The following RNF6 variants were observed in gnomAD, a reference collection of about 807,000 sequenced individuals.
RNF6 encodes the protein ring finger protein 6.
A neutral mutation model predicts 50.1 loss-of-function variants in RNF6; 21 were observed. The ratio of observed to expected loss-of-function variants is 0.42; its 90% CI spans 0.30 to 0.60. The LOEUF is 0.60. Among genes scored for constraint, RNF6 ranks in the 20% least tolerant of loss-of-function variants. RNF6 has a pLI of 0.20. For synonymous variants in RNF6, 255 were observed against 291.8 expected (o/e 0.87, Z 1.29); for missense variants, 698 against 838.2 (o/e 0.83, Z 2.07).
At chr13:26,211,915 T>C (rs984863716), downstream of RNF6, among the ~76,000 whole-genome samples, 20 of 152,230 alleles carry the variant, frequency 1.3e-4, no homozygotes, top group African/African-American at 4.8e-4. Context: ...CTCTCCCTCC[T>C]CCACCTAGGT....
At chr13:26,167,303 T>C (rs1872499004) in intron 5 of RNF6, among the ~76,000 whole-genome samples, 1 of 152,210 alleles carries the variant, frequency 6.6e-6, no homozygotes, top group Admixed American at 6.5e-5. Context: ...AAGCTATGCA[T>C]CTGACAAAAG....
downstream of RNF6, among the ~76,000 whole-genome samples, chr13:26,210,803 G>A (rs1280911862): frequency 1.3e-5 from 2 of 152,166 alleles, no homozygotes; most frequent in East Asian, 3.8e-4. Flanking sequence ...ATGAATTCAT[G>A]TTAAATATTG....
chr13:26,139,144 C>A (rs868515527), intron 5 of RNF6, among the ~76,000 whole-genome samples: 17 of 152,068 alleles, frequency 1.1e-4, no homozygotes, highest in African/African-American at 4.1e-4. Flanking sequence ...GGGGGCTCAC[C>A]TTTTATATGC....
intron 5 of RNF6, among the ~76,000 whole-genome samples, chr13:26,169,605 T>A (rs1221672790): frequency 6.6e-6 from 1 of 152,222 alleles, no homozygotes. Flanking sequence ...TAAGAGTCTC[T>A]TGCCGGCCTT....
rs776329862 is a variant in RNF6 at position 26,215,380 on chromosome 13, C to T, written c.502G>A (p.Asp168Asn). The T allele has an allele frequency of 3.1e-6, 5 of 1,614,052 alleles. No homozygotes were observed. The African/African-American group carries it at 6.7e-5, about 22-fold the overall frequency. The change falls in exon 5 of 5, where the codon GAT (aspartate) becomes AAT (asparagine). Residue 168 changes from aspartate (D) to asparagine (N), a missense_variant. Physicochemically the swap from Asp to Asn is conservative, Grantham distance 23. Transcript: ENST00000381588. The part of the protein sequence containing the change: ...ENRGFEIHGE[D>N]YTDIPLSDSN... ...TCTGAAAGTGGAATGTCTGTATAAT[C>T]TTCTCCATGAATTTCAAATCCTCTA...
intron 5 of RNF6, among the ~76,000 whole-genome samples, chr13:26,193,289 T>C (rs1045212158): frequency 4.6e-5 from 7 of 151,626 alleles, no homozygotes; most frequent in African/African-American, 1.7e-4. Context: ...CCTGGAAAAA[T>C]TCATCATTAA....
At chr13:26,151,763 C>A (rs753499388) in intron 5 of RNF6, among the ~76,000 whole-genome samples, 2 of 151,850 alleles carry the variant, frequency 1.3e-5, no homozygotes, top group Non-Finnish European at 2.9e-5. Flanking sequence ...GTTATTATAA[C>A]AATGTTAAAG....
chr13:26,141,077 T>G (rs759910171), intron 5 of RNF6, among the ~76,000 whole-genome samples: 4 of 152,224 alleles, frequency 2.6e-5, no homozygotes, highest in Non-Finnish European at 5.9e-5. Context: ...GATTCAATGC[T>G]ATTTCTATCA....
intron 5 of RNF6, among the ~76,000 whole-genome samples, chr13:26,181,798 A>T (rs1873256447): frequency 6.6e-6 from 1 of 152,196 alleles, no homozygotes; most frequent in Non-Finnish European, 1.5e-5. Flanking sequence ...CAGGTTCTTA[A>T]TTATACTCTG....
intron 5 of RNF6, among the ~76,000 whole-genome samples, chr13:26,134,352 C>T (rs970491643): frequency 2.6e-5 from 4 of 152,244 alleles, no homozygotes; most frequent in African/African-American, 9.6e-5. Flanking sequence ...CCCTACTCGG[C>T]CTTTGCCGGC....
chr13:26,177,365 G>T (rs1346100345), intron 5 of RNF6, among the ~76,000 whole-genome samples: 2 of 152,142 alleles, frequency 1.3e-5, no homozygotes, highest in African/African-American at 4.8e-5. Context: ...CAATATCCTG[G>T]TTGTCAACAG....
chr13:26,158,643 G>A (rs1218564992), intron 5 of RNF6, among the ~76,000 whole-genome samples: 3 of 151,944 alleles, frequency 2.0e-5, no homozygotes, highest in Non-Finnish European at 4.4e-5. Context: ...GATAAAAACA[G>A]GTTTTAGAAC....
At chr13:26,170,673 A>C (rs1872659358) in intron 5 of RNF6, among the ~76,000 whole-genome samples, 1 of 152,218 alleles carries the variant, frequency 6.6e-6, no homozygotes, top group South Asian at 2.1e-4. Context: ...GTCTAAACCT[A>C]AGCTAATATC....
chr13:26,210,140 T>C (rs777796601), downstream of RNF6, among the ~76,000 whole-genome samples: 28 of 152,202 alleles, frequency 1.8e-4, no homozygotes, highest in Non-Finnish European at 3.2e-4. Context: ...TTCTCAACGA[T>C]AGATGAATCT....
downstream of RNF6, among the ~76,000 whole-genome samples, chr13:26,210,375 G>A (rs1869274016): frequency 6.6e-6 from 1 of 152,220 alleles, no homozygotes; most frequent in Non-Finnish European, 1.5e-5. Flanking sequence ...GTTCTTGTCT[G>A]GGAGTAATAT....
At chr13:26,132,502 T>G (rs1870443167) in intron 5 of RNF6, 1 of 452,744 alleles carries the variant, frequency 2.2e-6, no homozygotes, top group Admixed American at 2.4e-5. Flanking sequence ...TTTAATGTAC[T>G]ATGTTTAAAC....
chr13:26,175,864 C>T (rs993664818), intron 5 of RNF6, among the ~76,000 whole-genome samples: 6 of 152,046 alleles, frequency 3.9e-5, no homozygotes. Flanking sequence ...GATTCTTTCA[C>T]ATTTATTTGG....
At chr13:26,139,116 A>T (rs1449350941) in intron 5 of RNF6, among the ~76,000 whole-genome samples, 1 of 152,128 alleles carries the variant, frequency 6.6e-6, no homozygotes, top group Non-Finnish European at 1.5e-5. Context: ...ATGCTTACAG[A>T]TAGCAAAGGA....
chr13:26,169,299 G>C (rs537339423), intron 5 of RNF6, among the ~76,000 whole-genome samples: 1 of 152,182 alleles, frequency 6.6e-6, no homozygotes, highest in African/African-American at 2.4e-5. Flanking sequence ...AAAAAAAGGA[G>C]AGAGTGTATG....
Sources: allele counts gnomAD v4.1 joint callset (sites outside exome capture counted in the v4.1 genomes callset), GRCh38; gene constraint gnomAD v4.1.1; transcripts MANE v1.5; gene names NCBI Gene and HGNC (gene_info 2026-07-23, HGNC 2026-07-21).